ZCCHC14: variants seen among roughly 807,000 people sequenced by gnomAD.
ZCCHC14 encodes the protein zinc finger CCHC domain-containing protein 14.
In ZCCHC14, 16 loss-of-function variants were observed where a neutral mutation model predicts 85.0. The ratio of observed to expected loss-of-function variants is 0.19; its 90% CI spans 0.13 to 0.29. The LOEUF (loss-of-function observed/expected upper bound fraction) is 0.29. Among genes scored for constraint, ZCCHC14 ranks in the 10% least tolerant of loss-of-function variants. ZCCHC14 has a pLI of 1.00. For synonymous variants in ZCCHC14, 775 were observed against 630.7 expected, an observed-to-expected ratio of 1.23 and a Z score of -3.43; for missense variants, 1,303 against 1,443.5, an observed-to-expected ratio of 0.90 and a Z score of 1.58.
chr16:87,459,113 C>T (rs1247579180), intron 2 of ZCCHC14, among the ~76,000 whole-genome samples: 6 of 152,210 alleles, frequency 3.9e-5, no homozygotes, highest in Non-Finnish European at 8.8e-5. Context: ...CCGCGCCTCA[C>T]TACCCACGCT....
At chr16:87,477,345 G>C (rs536990745) in intron 1 of ZCCHC14, among the ~76,000 whole-genome samples, 129 of 152,320 alleles carry the variant, frequency 8.5e-4, no homozygotes, top group South Asian at 1.2e-3. Context: ...GCGAAGGCAG[G>C]GAGAGGAGCT....
chr16:87,491,932 C>A lies in ZCCHC14; in HGVS notation c.307G>T (p.Gly103Cys). 2.0e-6 allele frequency: 3 copies of A among 1,471,138 alleles called. No individual in the cohort carries two copies. Among genetic ancestry groups the A allele is most frequent in the Non-Finnish European group, 1.8e-6 (2 of 1,117,042 alleles). 91.1% of individuals were successfully genotyped at this position (1,471,138 alleles called of 1,614,324 possible). Residue 103 changes from glycine (G) to cysteine (C), a missense_variant, in exon 1 of 13, where the codon GGC becomes TGC. Transcript: ENST00000671377. The surrounding 1 kb of genome is among the most constrained non-coding windows in gnomAD (Gnocchi z 5.9). ...TGCGTGAGCGTGCGGTAGAGCACGC[C>A]CGCCGCCTCGCGCTGCTCCGAGCCC... ...LLGSEQREAA[G>C]VLYRTLTHID...
intron 1 of ZCCHC14, among the ~76,000 whole-genome samples, chr16:87,476,502 C>A (rs1466296809): frequency 1.3e-5 from 2 of 152,084 alleles, no homozygotes; most frequent in African/African-American, 4.8e-5. Context: ...AAGACAGTGA[C>A]CAGCTTCTTA....
chr16:87,445,462 G>A (rs1910391445), intron 2 of ZCCHC14, among the ~76,000 whole-genome samples: 1 of 152,106 alleles, frequency 6.6e-6, no homozygotes. Flanking sequence ...TCATTGGAGA[G>A]GTTGAATTTC....
chr16:87,480,941 G>T (rs1912239271), intron 1 of ZCCHC14, among the ~76,000 whole-genome samples: 1 of 152,238 alleles, frequency 6.6e-6, no homozygotes, highest in Non-Finnish European at 1.5e-5. Context: ...AGAGAGGTGT[G>T]TACGGACAGG....
At chr16:87,464,450 C>T (rs1911424890) in intron 1 of ZCCHC14, among the ~76,000 whole-genome samples, 5 of 152,158 alleles carry the variant, frequency 3.3e-5, no homozygotes, top group Admixed American at 2.6e-4. Context: ...GGTCCAATCC[C>T]GGCAAGGACA....
In ZCCHC14 at chr16:87,417,954, G is replaced by A. The variant is rs575083963; in HGVS notation, c.1101-212C>T. ...TGCAGCTAAGATTTCTGTAATGCAT[G>A]TCTGTGCACACGTGTGCATACAGGC... On this transcript the variant is annotated intron_variant, in intron 7 of 12. Transcript: ENST00000671377. 618 of 594,094 alleles carry A rather than the reference G, an allele frequency of 1.0e-3. 2 individuals are homozygous for A. The highest frequency in any genetic ancestry group is 9.8e-3 in the African/African-American group (531 of 54,112). 36.8% of individuals were successfully genotyped at this position (594,094 alleles called of 1,614,324 possible). A position where few individuals can be genotyped will look rare whatever the true frequency, so the allele number is the denominator to read the frequency against.
chr16:87,447,011 A>C (rs1910472720), intron 2 of ZCCHC14, among the ~76,000 whole-genome samples: 1 of 152,182 alleles, frequency 6.6e-6, no homozygotes, highest in African/African-American at 2.4e-5. Flanking sequence ...CTATATGAGA[A>C]GACAATTTAG....
intron 3 of ZCCHC14, 97 bp downstream of exon 3, chr16:87,433,031 C>A: frequency 7.6e-7 from 1 of 1,314,406 alleles, no homozygotes; most frequent in Non-Finnish European, 1.1e-6. Context: ...GGGCTTTGCA[C>A]AAGGCACAGC....
intron 3 of ZCCHC14, 99 bp downstream of exon 3, chr16:87,433,029 C>A: frequency 8.0e-7 from 1 of 1,254,930 alleles, no homozygotes; most frequent in Non-Finnish European, 1.1e-6. Context: ...CGGGGCTTTG[C>A]ACAAGGCACA....
At chr16:87,425,264 A>C (rs1179306053) in intron 3 of ZCCHC14, among the ~76,000 whole-genome samples, 3 of 152,182 alleles carry the variant, frequency 2.0e-5, no homozygotes, top group African/African-American at 7.2e-5. Flanking sequence ...TGCCACCCAG[A>C]ATCTTCCACA....
At chr16:87,469,567 A>T (rs1474819145) in intron 1 of ZCCHC14, among the ~76,000 whole-genome samples, 1 of 152,244 alleles carries the variant, frequency 6.6e-6, no homozygotes, top group African/African-American at 2.4e-5. Context: ...CACCTACCTA[A>T]GGCTTTTGTG....
In ZCCHC14 at chr16:87,417,623, G is replaced by A. The variant is rs1301771461; in HGVS notation, c.1220C>T (p.Ser407Leu). The change falls in exon 8 of 13, where the codon TCA becomes TTA. Residue 407 changes from serine (S) to leucine (L), a missense_variant. Physicochemically the swap from Ser to Leu is moderately radical, Grantham distance 145 (BLOSUM62 -2). Transcript: ENST00000671377. Reference sequence around the variant, plus strand: ...CATCTGGGTCCGGTAGGCCAGGGCTGAGCCCGCGCTGCCCGCATGGGAGCA... The same window carrying A: ...CATCTGGGTCCGGTAGGCCAGGGCTAAGCCCGCGCTGCCCGCATGGGAGCA... ...PHCSHAGSAG[S>L]ALAYRTQMDT... is the part of the protein sequence containing the mutation. The A allele has an allele frequency of 3.1e-6, 5 of 1,614,062 alleles. No homozygotes were observed. Among genetic ancestry groups the A allele is most frequent in the East Asian group, 2.2e-5 (1 of 44,896 alleles).
chr16:87,437,605 C>G, intron 2 of ZCCHC14, among the ~76,000 whole-genome samples: 1 of 152,306 alleles, frequency 6.6e-6, no homozygotes, highest in Non-Finnish European at 1.5e-5. Flanking sequence ...CAAAGGGACC[C>G]GAGGCTGGGC....
chr16:87,488,239 T>C (rs1036743555), intron 1 of ZCCHC14, among the ~76,000 whole-genome samples: 3 of 152,214 alleles, frequency 2.0e-5, no homozygotes, highest in East Asian at 1.9e-4. Flanking sequence ...ATTTTAACTA[T>C]TTCCAAAACT....
intron 3 of ZCCHC14, among the ~76,000 whole-genome samples, chr16:87,424,184 T>C (rs1360535742): frequency 6.6e-6 from 1 of 152,244 alleles, no homozygotes; most frequent in African/African-American, 2.4e-5. Flanking sequence ...TGCTTGTGTG[T>C]GCCCTGTTCA....
At chr16:87,417,278 T>C (rs1325487065) in intron 8 of ZCCHC14, among the ~76,000 whole-genome samples, 182 bp downstream of exon 8, 1 of 152,180 alleles carries the variant, frequency 6.6e-6, no homozygotes, top group Non-Finnish European at 1.5e-5. Context: ...CATGTCCTGT[T>C]TGTGGCTGGC....
At chr16:87,450,565 ATTC>A (rs1368018829) in intron 2 of ZCCHC14, among the ~76,000 whole-genome samples, 3 of 146,148 alleles carry the variant, frequency 2.1e-5, no homozygotes, top group African/African-American at 5.0e-5. Flanking sequence ...CTGATAATAG[ATTC>A]TTTTTTTTTT....
Position 87,429,898 on chromosome 16 carries a change from C to T in ZCCHC14, c.768+3230G>A, listed in dbSNP as rs1430995299. 3.9e-5 allele frequency among the ~76,000 whole-genome samples: 6 copies of T among 152,264 alleles called. No individual in the cohort carries two copies. The East Asian group carries it at 5.8e-4, about 15-fold the overall frequency. On this transcript the variant is annotated intron_variant, in intron 3 of 12. Transcript: ENST00000671377. ...CTGGCATTACAGGCGTGAGCCACCG[C>T]GCCCAGCCGGAGACCCCATCTCTTA...
Sources: gnomAD v4.1 joint callset for allele counts (sites outside exome capture counted in the v4.1 genomes callset) on GRCh38, gnomAD v4.1.1 for gene constraint, Gnocchi (gnomAD v3.1) non-coding constraint, MANE v1.5 for transcripts, NCBI Gene and HGNC (gene_info 2026-07-23, HGNC 2026-07-21) for gene names.